The following IQCE variants were observed in gnomAD, a reference collection of about 807,000 sequenced individuals.
IQCE encodes IQ domain-containing protein E.
In IQCE, 115 loss-of-function variants were observed where a neutral mutation model predicts 96.0. The ratio of observed to expected loss-of-function variants is 1.20; its 90% CI spans 1.03 to 1.40. IQCE has a LOEUF of 1.40. IQCE is among the 40% of genes most tolerant of loss of function. The pLI is 0.00. For synonymous variants in IQCE, 412 were observed against 371.2 expected, an observed-to-expected ratio of 1.11 and a Z score of -1.26; for missense variants, 1,041 against 909.1, an observed-to-expected ratio of 1.15 and a Z score of -1.87.
At chr7:2,576,189 G>A (rs2128441909) in intron 6 of IQCE, among the ~76,000 whole-genome samples, 1 of 152,284 alleles carries the variant, frequency 6.6e-6, no homozygotes, top group Non-Finnish European at 1.5e-5. Context: ...TCCAGTCTCT[G>A]GAATACCACA....
rs753158491 is a variant in IQCE, at chr7:2,590,945, C to A, written c.1244+839C>A. 3.3e-5 allele frequency among the ~76,000 whole-genome samples: 5 copies of A among 151,900 alleles called. No individual in the cohort carries two copies. In the East Asian group the frequency reaches 5.9e-4, roughly 18 times the overall value. On this transcript the variant is annotated intron_variant, in intron 14 of 21. Coordinates refer to ENST00000402050, the MANE Select transcript of IQCE (RefSeq NM_152558.5). ...TTATGGGGGATATGATCTATTAATA[C>A]GTAGGAAATAAAGCATAAATGCTCC... is the stretch of plus-strand genomic sequence containing the variant.
rs1233750035 is a variant in IQCE at position 2,573,422 on chromosome 7, T to C, written c.399T>C (p.His133=). Residue 133 remains histidine, a synonymous_variant, in exon 6 of 22, where the codon CAT becomes CAC. Coordinates refer to ENST00000402050, the MANE Select transcript of IQCE (RefSeq NM_152558.5). ...PHLRRSASNG[H]VPGTPVYREK... is the part of the protein sequence containing the mutation. ...GATTTGTTTATGTTTCTCTAGGTCA[T>C]GTCCCTGGGACTCCTGTCTACAGAG... 4 of 1,439,366 alleles carry C rather than the reference T, an allele frequency of 2.8e-6. No homozygotes were observed. Among genetic ancestry groups the C allele is most frequent in the Admixed American group, 1.7e-5 (1 of 58,680 alleles). The allele number at this position is 1,439,366 out of a possible 1,614,324, so 89.2% of individuals were successfully genotyped here.
At chr7:2,585,368 G>A (rs915216000) in intron 11 of IQCE, among the ~76,000 whole-genome samples, 8 of 152,286 alleles carry the variant, frequency 5.3e-5, no homozygotes, top group Admixed American at 1.3e-4. Flanking sequence ...GCTAGTCAAT[G>A]TATAACCTGG....
intron 6 of IQCE, among the ~76,000 whole-genome samples, chr7:2,574,498 T>C (rs1215841508): frequency 6.6e-6 from 1 of 152,232 alleles, no homozygotes; most frequent in African/African-American, 2.4e-5. Context: ...GAGGAGCAAG[T>C]GCGCACCCTG....
intron 19 of IQCE, among the ~76,000 whole-genome samples, chr7:2,605,417 G>C (rs1465102592): frequency 6.6e-6 from 1 of 152,010 alleles, no homozygotes; most frequent in African/African-American, 2.4e-5. Context: ...TCAGGAGATC[G>C]AGACCATCCT....
chr7:2,560,411 C>G (rs140730810), intron 1 of IQCE, among the ~76,000 whole-genome samples: 14 of 152,222 alleles, frequency 9.2e-5, no homozygotes, highest in African/African-American at 3.4e-4. Context: ...CTGTGCTCAC[C>G]TTGCTTCCTC....
intron 21 of IQCE, chr7:2,607,557 C>A: frequency 9.6e-6 from 12 of 1,255,790 alleles, no homozygotes; most frequent in Non-Finnish European, 1.2e-5. Context: ...GTTATTGTTT[C>A]CTTTTCTACT....
intron 6 of IQCE, among the ~76,000 whole-genome samples, chr7:2,573,830 C>A (rs183623270): frequency 6.6e-6 from 1 of 152,328 alleles, no homozygotes; most frequent in East Asian, 1.9e-4. Flanking sequence ...CATCAGTAAC[C>A]TTCCATGCAT....
At chr7:2,569,730 G>C (rs1781625620) in intron 3 of IQCE, among the ~76,000 whole-genome samples, 1 of 152,150 alleles carries the variant, frequency 6.6e-6, no homozygotes, top group Non-Finnish European at 1.5e-5. Context: ...CTGTAGATGT[G>C]TGTCTATTTT....
At chr7:2,579,744 G>T (rs943090297) in intron 8 of IQCE, among the ~76,000 whole-genome samples, 32 of 141,690 alleles carry the variant, frequency 2.3e-4, no homozygotes, top group Admixed American at 8.5e-4. Context: ...TGTGTCTGTG[G>T]GTATTTTTTT....
At chr7:2,576,735 C>G (rs1331906933) in intron 6 of IQCE, among the ~76,000 whole-genome samples, 1 of 152,150 alleles carries the variant, frequency 6.6e-6, no homozygotes, top group East Asian at 1.9e-4. Context: ...ACTCACGTCA[C>G]CACAAATTGG....
rs113499536 is a variant in IQCE at position 2,577,433 on chromosome 7, C to T, written c.466-809C>T. ...CGCGGGGACGTGTGTGCGGCGTGCACGCATTGGCATGTACTTGGCTGTGCG... is the reference window on the plus strand; with the variant it reads ...CGCGGGGACGTGTGTGCGGCGTGCATGCATTGGCATGTACTTGGCTGTGCG... On this transcript the variant is annotated intron_variant, in intron 6 of 21. Coordinates refer to ENST00000402050, the MANE Select transcript of IQCE (RefSeq NM_152558.5). Among the ~76,000 whole-genome samples the T allele has an allele frequency of 2.7e-5, 3 of 110,774 alleles. 1 individual carries two copies. The highest frequency in any genetic ancestry group is 7.1e-5 in the African/African-American group (2 of 28,108). The allele number at this position is 110,774 out of a possible 152,430, so 72.7% of individuals were successfully genotyped here.
At chr7:2,597,865 G>A (rs1000216919) in intron 16 of IQCE, among the ~76,000 whole-genome samples, 2 of 151,882 alleles carry the variant, frequency 1.3e-5, no homozygotes, top group African/African-American at 2.4e-5. Context: ...ATGGGGTCTC[G>A]CTATGTTGGC....
At chr7:2,574,955 C>T (rs780281170) in intron 6 of IQCE, among the ~76,000 whole-genome samples, 3 of 152,204 alleles carry the variant, frequency 2.0e-5, no homozygotes, top group Admixed American at 1.3e-4. Flanking sequence ...TTCGCTGAGA[C>T]GCCCACCCTG....
intron 18 of IQCE, among the ~76,000 whole-genome samples, chr7:2,603,604 G>C (rs1784587684): frequency 6.6e-6 from 1 of 152,214 alleles, no homozygotes; most frequent in South Asian, 2.1e-4. Flanking sequence ...TGACGGAGAT[G>C]CGTGCCCCTC....
intron 19 of IQCE, among the ~76,000 whole-genome samples, chr7:2,605,271 A>G (rs941027269): frequency 6.6e-6 from 1 of 152,234 alleles, no homozygotes; most frequent in African/African-American, 2.4e-5. Flanking sequence ...TACTAAAGAC[A>G]GATGCAGGCC....
chr7:2,599,661 C>T (rs1583498552), intron 17 of IQCE, among the ~76,000 whole-genome samples: 1 of 151,176 alleles, frequency 6.6e-6, no homozygotes, highest in Non-Finnish European at 1.5e-5. Context: ...CACACCTGGC[C>T]AATTTTTGTA....
intron 6 of IQCE, among the ~76,000 whole-genome samples, chr7:2,576,959 G>A (rs1218170524): frequency 6.6e-6 from 1 of 152,172 alleles, no homozygotes; most frequent in Non-Finnish European, 1.5e-5. Flanking sequence ...CGCGCATTCC[G>A]TGGGACGGGG....
chr7:2,589,937 C>T lies in IQCE; in HGVS notation c.1075C>T (p.His359Tyr). Residue 359 changes from histidine (H) to tyrosine (Y), a missense_variant, in exon 14 of 22, where the codon CAC (histidine) becomes TAC (tyrosine). Physicochemically the swap from His to Tyr is moderately conservative, Grantham distance 83. Coordinates refer to ENST00000402050, the MANE Select transcript of IQCE (RefSeq NM_152558.5). The stretch of plus-strand genomic sequence containing the variant: ...AAGTGTGATGGAGAGCTCAAAATCA[C>T]ACGCCGCAGAGCCAGTCAGATCACA... ...KLSVMESSKS[H>Y]AAEPVRSHPP... is the part of the protein sequence containing the mutation. 1 of 1,613,914 alleles carries T rather than the reference C, an allele frequency of 6.2e-7. No homozygotes were observed.
Sources: gnomAD v4.1 joint callset for allele counts (sites outside exome capture counted in the v4.1 genomes callset) on GRCh38, gnomAD v4.1.1 for gene constraint, MANE v1.5 for transcripts, NCBI Gene and HGNC (gene_info 2026-07-23, HGNC 2026-07-21) for gene names.